The following C14orf132 variants were observed in gnomAD, a reference collection of about 807,000 sequenced individuals.
C14orf132 encodes the protein chromosome 14 open reading frame 132, also known as uncharacterized protein C14orf132.
A neutral mutation model predicts 5.8 loss-of-function variants in C14orf132; 6 were observed. That is an observed-to-expected ratio of 1.03 (90% CI 0.57 to 2.04). C14orf132 has a LOEUF of 2.04. Among genes scored for constraint, C14orf132 ranks in the 30% most tolerant of loss-of-function variants. The pLI is 0.00. For synonymous variants in C14orf132, 51 were observed against 49.8 expected, an observed-to-expected ratio of 1.02 and a Z score of -0.10; for missense variants, 125 against 115.8, an observed-to-expected ratio of 1.08 and a Z score of -0.37.
At chr14:96,074,125 A>G (rs1440154621) in intron 1 of C14orf132, among the ~76,000 whole-genome samples, 1 of 152,202 alleles carries the variant, frequency 6.6e-6, no homozygotes, top group Admixed American at 6.5e-5. Context: ...ACCACATGGC[A>G]CTTGTTAACC....
chr14:96,044,704 T>C (rs1662485629), intron 1 of C14orf132, among the ~76,000 whole-genome samples: 4 of 152,178 alleles, frequency 2.6e-5, no homozygotes, highest in Non-Finnish European at 5.9e-5. Flanking sequence ...CATCACAGTG[T>C]TACCTGCAGT....
intron 1 of C14orf132, among the ~76,000 whole-genome samples, chr14:96,049,342 T>C (rs1438046273): frequency 6.6e-6 from 1 of 150,976 alleles, no homozygotes; most frequent in Non-Finnish European, 1.5e-5. Flanking sequence ...TATTTTATTT[T>C]ATTTATTTAT....
chr14:96,084,363 C>T (rs1054565674), intron 1 of C14orf132, among the ~76,000 whole-genome samples: 1 of 152,148 alleles, frequency 6.6e-6, no homozygotes, highest in Admixed American at 6.5e-5. Context: ...TCACACTGAG[C>T]CTGCTTTCCA....
intron 1 of C14orf132, among the ~76,000 whole-genome samples, chr14:96,042,083 C>T (rs1158968177): frequency 1.3e-5 from 2 of 152,184 alleles, no homozygotes; most frequent in Non-Finnish European, 2.9e-5. Flanking sequence ...TGCCACTGAA[C>T]AGCTGTCATC....
chr14:96,076,648 T>C (rs1887874996), intron 1 of C14orf132, among the ~76,000 whole-genome samples: 2 of 152,232 alleles, frequency 1.3e-5, no homozygotes, highest in South Asian at 4.1e-4. Flanking sequence ...CTAGTAATGT[T>C]TTAAGAAAGC....
chr14:96,041,021 A>C (rs893128343), intron 1 of C14orf132, among the ~76,000 whole-genome samples: 7 of 152,188 alleles, frequency 4.6e-5, no homozygotes, highest in Admixed American at 4.6e-4. Context: ...ACTTGACGAA[A>C]TAAATACAGG....
intron 1 of C14orf132, among the ~76,000 whole-genome samples, chr14:96,068,796 A>G (rs776242119): frequency 6.6e-6 from 1 of 152,044 alleles, no homozygotes; most frequent in Non-Finnish European, 1.5e-5. Context: ...TAAAGTGTCG[A>G]CTTGGCTGCA....
intron 1 of C14orf132, among the ~76,000 whole-genome samples, chr14:96,048,004 A>G (rs1276413975): frequency 1.3e-5 from 2 of 152,176 alleles, no homozygotes; most frequent in East Asian, 1.9e-4. Context: ...CCTGACCAAC[A>G]TGATGAAACC....
intron 1 of C14orf132, among the ~76,000 whole-genome samples, chr14:96,064,359 T>TACAC (rs766139041): frequency 1.1e-4 from 11 of 98,666 alleles, no homozygotes; most frequent in Non-Finnish European, 1.7e-4. Flanking sequence ...CTAGGGTGCA[T>TACAC]ATATACACAC....
chr14:96,056,373 C>G (rs1887184008), intron 1 of C14orf132, among the ~76,000 whole-genome samples: 1 of 152,214 alleles, frequency 6.6e-6, no homozygotes, highest in South Asian at 2.1e-4. Context: ...CAATACTGCT[C>G]TCACATTGTG....
intron 1 of C14orf132, among the ~76,000 whole-genome samples, chr14:96,078,094 A>T (rs10220384): frequency 0.27 from 41,800 of 152,140 alleles, 6,010 homozygotes; most frequent in Non-Finnish European, 0.32. Flanking sequence ...GCTGCTGCAG[A>T]GGTCTGCACT....
chr14:96,058,098 A>G (rs1887233529), intron 1 of C14orf132, among the ~76,000 whole-genome samples: 1 of 152,178 alleles, frequency 6.6e-6, no homozygotes, highest in African/African-American at 2.4e-5. Flanking sequence ...GAAGCAACTG[A>G]GGCTCAGATT....
chr14:96,075,519 C>G (rs1442207911), intron 1 of C14orf132, among the ~76,000 whole-genome samples: 1 of 152,142 alleles, frequency 6.6e-6, no homozygotes, highest in African/African-American at 2.4e-5. Context: ...AGCATTCACT[C>G]TTTCACCATT....
At chr14:96,058,378 A>C (rs1887242325) in intron 1 of C14orf132, among the ~76,000 whole-genome samples, 1 of 150,942 alleles carries the variant, frequency 6.6e-6, no homozygotes, top group Non-Finnish European at 1.5e-5. Context: ...TCCCACCTCA[A>C]CTCACCTCCC....
intron 1 of C14orf132, among the ~76,000 whole-genome samples, chr14:96,049,644 A>ATATG (rs1218025828): frequency 4.0e-5 from 3 of 75,400 alleles, no homozygotes; most frequent in African/African-American, 5.1e-5. Flanking sequence ...ATATACGTAT[A>ATATG]TATATATATA....
intron 1 of C14orf132, among the ~76,000 whole-genome samples, chr14:96,056,398 G>A (rs1277903879): frequency 6.6e-6 from 1 of 152,206 alleles, no homozygotes; most frequent in Non-Finnish European, 1.5e-5. Context: ...CTTAGGGAGA[G>A]GAGAGTGGTG....
rs1207985864 is a variant in C14orf132 at position 96,088,823 on chromosome 14, A to T, written c.*2088A>T. Reference sequence around the variant, plus strand: ...TGTTTGCTGCGGTGAAGGGAGGAGAAGGCAGGAGGAAAAAGGATGGCTTCT... The same window carrying T: ...TGTTTGCTGCGGTGAAGGGAGGAGATGGCAGGAGGAAAAAGGATGGCTTCT... On this transcript the variant is annotated 3_prime_UTR_variant, in exon 2 of 2. Coordinates refer to ENST00000555004, the MANE Select transcript of C14orf132 (RefSeq NM_001252507.3). The T allele has an allele frequency of 6.6e-6, 1 of 152,304 alleles. No homozygotes were observed. Among genetic ancestry groups the T allele is most frequent in the Non-Finnish European group, 1.5e-5 (1 of 68,090 alleles). 9.4% of individuals were successfully genotyped at this position (152,304 alleles called of 1,614,324 possible).
intron 1 of C14orf132, among the ~76,000 whole-genome samples, chr14:96,086,205 G>C (rs573098763): frequency 4.6e-5 from 7 of 152,210 alleles, no homozygotes; most frequent in Non-Finnish European, 1.0e-4. Context: ...CCTGGCATGG[G>C]GGGAGGGGAA....
In C14orf132 at chr14:96,090,766, G is replaced by T; in HGVS notation, c.*4031G>T. On this transcript the variant is annotated 3_prime_UTR_variant, in exon 2 of 2. Transcript: ENST00000555004. ...CAGATGCTTTTCCAGCCCCGGTTCA[G>T]CTGGAAGGCTTGGAGGCTGGCCAGA... The T allele has an allele frequency of 2.2e-6, 1 of 456,096 alleles. No individual in the cohort carries two copies. The highest frequency in any genetic ancestry group is 4.4e-6 in the Non-Finnish European group (1 of 226,812). 28.3% of individuals were successfully genotyped at this position (456,096 alleles called of 1,614,324 possible).
Sources: gnomAD v4.1 joint callset for allele counts (sites outside exome capture counted in the v4.1 genomes callset) on GRCh38, gnomAD v4.1.1 for gene constraint, MANE v1.5 for transcripts, NCBI Gene and HGNC (gene_info 2026-07-23, HGNC 2026-07-21) for gene names.